PPAN: variants seen among roughly 807,000 people sequenced by gnomAD.
The protein encoded by PPAN is peter pan homolog, also known as suppressor of SWI4 1 homolog.
In PPAN, 39 loss-of-function variants were observed where a neutral mutation model predicts 48.5. The observed-to-expected ratio is 0.80, with a 90% CI of 0.62 to 1.05. The LOEUF is 1.05. Ranked by LOEUF, PPAN falls within the 50% of genes least tolerant of loss-of-function variation. The pLI, the probability that PPAN is intolerant of heterozygous loss-of-function variation, is 0.00. For missense variants in PPAN, 736 were observed against 661.7 expected, an observed-to-expected ratio of 1.11 and a Z score of -1.23; for synonymous variants, 315 against 268.6, an observed-to-expected ratio of 1.17 and a Z score of -1.69.
At position 10,111,769 on chromosome 19, in the gene PPAN, G is replaced by C; in HGVS notation, c.*604G>C. On this transcript the variant is annotated 3_prime_UTR_variant, in exon 12 of 12. Transcript: ENST00000253107. ...AGGAGAAGGCATGTTGGCTGTCTCT[G>C]GGGGTCTGCAGATTGTCAGGAGGTG... 3 of 1,613,114 alleles carry C rather than the reference G, an allele frequency of 1.9e-6. No homozygotes were observed. The highest frequency in any genetic ancestry group is 2.5e-6 in the Non-Finnish European group (3 of 1,179,540).
Position 10,110,089 on chromosome 19 carries a change from T to C in PPAN, c.699-34T>C. 6.2e-7 allele frequency: 1 copy of C among 1,608,936 alleles called. No individual in the cohort carries two copies. The stretch of plus-strand genomic sequence containing the variant: ...CCAGAACAGGACCGGGAGCCTGAGC[T>C]CCCCCACTGAGCCCTGTTATGTCCT... On this transcript the variant is annotated intron_variant, in intron 7 of 11. Coordinates refer to ENST00000253107, the MANE Select transcript of PPAN (RefSeq NM_020230.7). This position sits in a 1 kb window ranked among gnomAD's most constrained non-coding sequence, Gnocchi z 5.9.
intron 2 of PPAN, 58 bp downstream of exon 2, chr19:10,106,729 C>T (rs887499995): frequency 2.0e-6 from 3 of 1,481,458 alleles, no homozygotes; most frequent in Non-Finnish European, 1.8e-6. Flanking sequence ...TTCGTAGCTG[C>T]AGTAATGGCT....
rs1487181038 is a variant in PPAN, at chr19:10,111,269, C to G, written c.*104C>G. On this transcript the variant is annotated 3_prime_UTR_variant, in exon 12 of 12. Transcript: ENST00000253107. Reference sequence around the variant, plus strand: ...TAAAGGAGTTGTGTCCCCAGCCCTTCCACTCCAGTAAAGAACTGAATTGGC... The same window carrying G: ...TAAAGGAGTTGTGTCCCCAGCCCTTGCACTCCAGTAAAGAACTGAATTGGC... The G allele has an allele frequency of 7.8e-7, 1 of 1,285,738 alleles. No individual in the cohort carries two copies. Among genetic ancestry groups the G allele is most frequent in the East Asian group, 2.5e-5 (1 of 39,466 alleles). 79.6% of individuals were successfully genotyped at this position (1,285,738 alleles called of 1,614,324 possible).
In PPAN at chr19:10,107,594, C is replaced by T. The variant is rs371761114; in HGVS notation, c.279C>T (p.Thr93=). ...THFLILSKTE[T]NVYFKLMRLP... The stretch of plus-strand genomic sequence containing the variant: ...TTCTGATCCTGAGCAAAACAGAGAC[C>T]AATGTCTACTTTGTGAGTAGACGCC... Residue 93 remains threonine, a synonymous_variant, in exon 3 of 12, where the codon ACC becomes ACT. Transcript: ENST00000253107. 14 of 1,614,162 alleles carry T rather than the reference C, an allele frequency of 8.7e-6. No homozygotes were observed. The highest frequency in any genetic ancestry group is 1.1e-5 in the Non-Finnish European group (13 of 1,180,032).
rs923826345 is a variant in PPAN, at chr19:10,110,761, A to T, written c.1096A>T (p.Ile366Phe). ...GGGTAGTGATGAAGAGGCCTCTGGG[A>T]TCCCTTCAAGGACGGCGAGCCTGGA... is the stretch of plus-strand genomic sequence containing the variant. ...VGGSDEEASG[I>F]PSRTASLELG... The change falls in exon 11 of 12, where the codon ATC becomes TTC. Residue 366 changes from isoleucine (I) to phenylalanine (F), a missense_variant. Transcript: ENST00000253107. The surrounding 1 kb of genome is among the most constrained non-coding windows in gnomAD (Gnocchi z 5.9). 6.2e-7 allele frequency: 1 copy of T among 1,613,792 alleles called. No homozygotes were observed. Among genetic ancestry groups the T allele is most frequent in the Non-Finnish European group, 8.5e-7 (1 of 1,179,976 alleles).
At position 10,110,941 on chromosome 19, in the gene PPAN, A is replaced by G; in HGVS notation, c.1202-4A>G. On this transcript the variant is annotated splice_region_variant and splice_polypyrimidine_tract_variant and intron_variant, in intron 11 of 11. Coordinates refer to ENST00000253107, the MANE Select transcript of PPAN (RefSeq NM_020230.7). This position sits in a 1 kb window ranked among gnomAD's most constrained non-coding sequence, Gnocchi z 5.9. ...GGGGGCCCTGACACTGTCTCTCCCC[A>G]CAGACCTGTTCCCCGAGGCCAAGCA... is the stretch of plus-strand genomic sequence containing the variant. 6.2e-7 allele frequency: 1 copy of G among 1,613,326 alleles called. No homozygotes were observed. Among genetic ancestry groups the G allele is most frequent in the South Asian group, 1.1e-5 (1 of 91,048 alleles).
At chr19:10,106,439 G>T in intron 1 of PPAN, 27 bp downstream of exon 1, 2 of 1,546,960 alleles carry the variant, frequency 1.3e-6, no homozygotes, top group Non-Finnish European at 8.7e-7. Flanking sequence ...TGGGAGGCAG[G>T]TGGCGCAGGT....
chr19:10,111,324 G>A lies in PPAN; in HGVS notation c.*159G>A, dbSNP rs990775640. 1.3e-4 allele frequency: 122 copies of A among 934,280 alleles called. No homozygotes were observed. In the Middle Eastern group the frequency reaches 1.3e-3, roughly 10 times the overall value. 57.9% of individuals were successfully genotyped at this position (934,280 alleles called of 1,614,324 possible). A position where few individuals can be genotyped will look rare whatever the true frequency, so the allele number is the denominator to read the frequency against. ...GGTCCACGTCAGCGTTTGGGATGGG[G>A]GATTCTGGAGCCATACAAAGCAACC... On this transcript the variant is annotated 3_prime_UTR_variant, in exon 12 of 12. Transcript: ENST00000253107.
At position 10,110,829 on chromosome 19, in the gene PPAN, G is replaced by A. The variant is rs750461402; in HGVS notation, c.1164G>A (p.Glu388=). 2 of 1,614,060 alleles carry A rather than the reference G, an allele frequency of 1.2e-6. No homozygotes were observed. The highest frequency in any genetic ancestry group is 1.3e-5 in the African/African-American group (1 of 75,040). The part of the protein sequence containing the change: ...DDDEQEDDDI[E]YFCQAVGEAP... The stretch of plus-strand genomic sequence containing the variant: ...ATGAACAGGAAGATGATGACATCGA[G>A]TATTTCTGCCAGGCGGTGGGCGAGG... The change falls in exon 11 of 12, where the codon GAG becomes GAA. Residue 388 remains glutamate, a synonymous_variant. Transcript: ENST00000253107. The surrounding 1 kb of genome is among the most constrained non-coding windows in gnomAD (Gnocchi z 5.9).
chr19:10,111,863 G>C lies in PPAN; in HGVS notation c.*698G>C, dbSNP rs1258506132. ...ACGGTGGCTCACGCCTGTAATCCCA[G>C]CACTTTGGGAGGTCGAGGGGGGTGG... is the stretch of plus-strand genomic sequence containing the variant. On this transcript the variant is annotated 3_prime_UTR_variant, in exon 12 of 12. Transcript: ENST00000253107. 6 of 1,185,676 alleles carry C rather than the reference G, an allele frequency of 5.1e-6. No individual in the cohort carries two copies. Among genetic ancestry groups the C allele is most frequent in the Non-Finnish European group, 7.3e-6 (6 of 820,286 alleles). The allele number at this position is 1,185,676 out of a possible 1,614,324, so 73.4% of individuals were successfully genotyped here.
Position 10,110,287 on chromosome 19 carries a change from C to G in PPAN, c.823-37C>G, listed in dbSNP as rs1228746683. The G allele has an allele frequency of 6.2e-7, 1 of 1,613,212 alleles. No individual in the cohort carries two copies. Among genetic ancestry groups the G allele is most frequent in the Non-Finnish European group, 8.5e-7 (1 of 1,179,806 alleles). ...GGGGGACCCCCGGGCTCCACCAGTCCCAACGGTGGGCTGACGCTTCTTCCT... is the reference window on the plus strand; with the variant it reads ...GGGGGACCCCCGGGCTCCACCAGTCGCAACGGTGGGCTGACGCTTCTTCCT... On this transcript the variant is annotated intron_variant, in intron 8 of 11. Coordinates refer to ENST00000253107, the MANE Select transcript of PPAN (RefSeq NM_020230.7). The surrounding 1 kb of genome is among the most constrained non-coding windows in gnomAD (Gnocchi z 5.9).
At position 10,111,155 on chromosome 19, in the gene PPAN, G is replaced by C. The variant is rs981703589; in HGVS notation, c.1412G>C (p.Arg471Thr). The C allele has an allele frequency of 5.0e-6, 8 of 1,589,326 alleles. No homozygotes were observed. The highest frequency in any genetic ancestry group is 6.8e-6 in the Non-Finnish European group (8 of 1,169,850). The change falls in exon 12 of 12, where the codon AGA (arginine) becomes ACA (threonine). Residue 471 changes from arginine to threonine, a missense_variant. Physicochemically the swap from Arg to Thr is moderately conservative, Grantham distance 71 (BLOSUM62 -1). Coordinates refer to ENST00000253107, the MANE Select transcript of PPAN (RefSeq NM_020230.7). ...RGRGRGRPGK[R>T]VA ...CGGGGCCGGGGCCGCCCAGGGAAGA[G>C]AGTGGCCTGAGCCCAAGCCGCACCG... is the stretch of plus-strand genomic sequence containing the variant.
Position 10,111,403 on chromosome 19 carries a change from T to G in PPAN, c.*238T>G. 1 of 649,496 alleles carries G rather than the reference T, an allele frequency of 1.5e-6. No homozygotes were observed. The highest frequency in any genetic ancestry group is 2.6e-6 in the Non-Finnish European group (1 of 383,906). The allele number at this position is 649,496 out of a possible 1,614,324, so 40.2% of individuals were successfully genotyped here. On this transcript the variant is annotated 3_prime_UTR_variant, in exon 12 of 12. Transcript: ENST00000253107. ...GAGTCCCTCCCACCTGGTTTCTTCC[T>G]GGAAGCTGGGTCTCTCCCCTACCCT...
In PPAN at chr19:10,107,734, G is replaced by A. The variant is rs553532909; in HGVS notation, c.292-70G>A. 68 of 1,611,760 alleles carry A rather than the reference G, an allele frequency of 4.2e-5. 2 individuals are homozygous for A. The East Asian group carries it at 8.7e-4, about 21-fold the overall frequency. The stretch of plus-strand genomic sequence containing the variant: ...AGTAAACGCTCTGAAGAAGAGATGG[G>A]GCAAAGGTGCCTACTCCGGGCACCT... On this transcript the variant is annotated intron_variant, in intron 3 of 11. Transcript: ENST00000253107.
Position 10,109,947 on chromosome 19 carries a change from G to A in PPAN, c.625G>A (p.Gly209Arg), listed in dbSNP as rs1465115255. 4 of 1,613,980 alleles carry A rather than the reference G, an allele frequency of 2.5e-6. No homozygotes were observed. Among genetic ancestry groups the A allele is most frequent in the East Asian group, 2.2e-5 (1 of 44,886 alleles). Residue 209 changes from glycine to arginine, a missense_variant, in exon 7 of 12, where the codon GGG (glycine) becomes AGG (arginine). By Grantham distance (125) the Gly-to-Arg change is moderately radical. Coordinates refer to ENST00000253107, the MANE Select transcript of PPAN (RefSeq NM_020230.7). ...AGTTGTTCCTGTGGGCGCGAGTCGC[G>A]GGATGAAGAAGCTGCTCCAGGAGAA... ...IKVVPVGASRGMKKLLQEKFP... is the reference protein window; with the variant it reads ...IKVVPVGASRRMKKLLQEKFP...
In PPAN at chr19:10,111,723, T is replaced by C. The variant is rs1461864845; in HGVS notation, c.*558T>C. The C allele has an allele frequency of 3.7e-6, 6 of 1,613,418 alleles. No individual in the cohort carries two copies. The highest frequency in any genetic ancestry group is 2.2e-5 in the South Asian group (2 of 91,044). Reference sequence around the variant, plus strand: ...CAGGCTGAGGATCGGCACGGGAGCATGGCAGCCAACGTCTCGGGTAAGGAG... The same window carrying C: ...CAGGCTGAGGATCGGCACGGGAGCACGGCAGCCAACGTCTCGGGTAAGGAG... On this transcript the variant is annotated 3_prime_UTR_variant, in exon 12 of 12. Transcript: ENST00000253107.
chr19:10,110,332 G>A lies in PPAN; in HGVS notation c.831G>A (p.Pro277=), dbSNP rs1283118619. 8 of 1,613,600 alleles carry A rather than the reference G, an allele frequency of 5.0e-6. No individual in the cohort carries two copies. The highest frequency in any genetic ancestry group is 4.0e-5 in the African/African-American group (3 of 74,912). Residue 277 remains proline, a synonymous_variant, in exon 9 of 12, where the codon CCG becomes CCA. Transcript: ENST00000253107. The surrounding 1 kb of genome is among the most constrained non-coding windows in gnomAD (Gnocchi z 5.9). The stretch of plus-strand genomic sequence containing the variant: ...CTTCCTCGTCCCCTCAGATCGGCCC[G>A]CGGATGACACTGCAGCTCATCAAGG... ...QSAVRLTEIG[P]RMTLQLIKVQ...
Position 10,109,678 on chromosome 19 carries a change from C to G in PPAN, c.561C>G (p.Pro187=). ...GCTGCCTCCTCATCGACTACAACCC[C>G]GACTCCCAGGAGCTGGACTTCCGCC... ...IKRCLLIDYN[P]DSQELDFRHY... The change falls in exon 6 of 12, where the codon CCC becomes CCG. Residue 187 remains proline, a synonymous_variant. Coordinates refer to ENST00000253107, the MANE Select transcript of PPAN (RefSeq NM_020230.7). 6.2e-7 allele frequency: 1 copy of G among 1,613,986 alleles called. No individual in the cohort carries two copies. Among genetic ancestry groups the G allele is most frequent in the South Asian group, 1.1e-5 (1 of 91,050 alleles).
chr19:10,111,043 C>G lies in PPAN; in HGVS notation c.1300C>G (p.Gln434Glu). ...TCGAGGCAGGGGTCGCCTTTGTGAC[C>G]AGAAGTTTCCCAAGACCAAGGACAA... ...MDRGRGRLCD[Q>E]KFPKTKDKSQ... The change falls in exon 12 of 12, where the codon CAG (glutamine) becomes GAG (glutamate). Residue 434 changes from glutamine (Q) to glutamate (E), a missense_variant. Gln to Glu is a conservative substitution (Grantham distance 29, BLOSUM62 2). Transcript: ENST00000253107. 2 of 1,613,678 alleles carry G rather than the reference C, an allele frequency of 1.2e-6. No individual in the cohort carries two copies.
Sources: gnomAD v4.1 joint callset for allele counts on GRCh38, gnomAD v4.1.1 for gene constraint, Gnocchi (gnomAD v3.1) non-coding constraint, MANE v1.5 for transcripts, NCBI Gene and HGNC (gene_info 2026-07-23, HGNC 2026-07-21) for gene names.